NLRP5: variants seen among roughly 807,000 people sequenced by gnomAD.
NLRP5 encodes the protein NACHT, LRR and PYD domains-containing protein 5.
A neutral mutation model predicts 113.1 loss-of-function variants in NLRP5; 93 were observed. That is an observed-to-expected ratio of 0.82 (90% CI 0.70 to 0.98). NLRP5 has a LOEUF of 0.98. NLRP5 is among the 50% of genes least tolerant of loss of function. The pLI is 0.00. For synonymous variants in NLRP5, 751 were observed against 600.7 expected, an observed-to-expected ratio of 1.25 and a Z score of -3.66; for missense variants, 1,808 against 1,514.3, an observed-to-expected ratio of 1.19 and a Z score of -3.22.
At chr19:56,056,405 AAGTT>A (rs751954098) in intron 13 of NLRP5, among the ~76,000 whole-genome samples, 4 of 152,072 alleles carry the variant, frequency 2.6e-5, no homozygotes, top group Non-Finnish European at 5.9e-5. Context: ...AAAAATATAA[AAGTT>A]AGCCGGGCTT....
intron 5 of NLRP5, 65 bp downstream of exon 5, chr19:56,019,463 G>A: frequency 6.6e-7 from 1 of 1,515,754 alleles, no homozygotes; most frequent in Non-Finnish European, 9.1e-7. Flanking sequence ...AGAAGTGTAA[G>A]TAGTTTAGAT....
rs1177646815 is a variant in NLRP5 at position 56,020,409 on chromosome 19, A to G, written c.657A>G (p.Thr219=). ...AAGCTATGGAACAAGAAGGTGCCAC[A>G]GCAGCAGAGACAGAAGAACAAGGTG... Residue 219 remains threonine, a synonymous_variant, in exon 6 of 15, where the codon ACA becomes ACG. Transcript: ENST00000390649. The G allele has an allele frequency of 1.9e-6, 3 of 1,613,644 alleles. No individual in the cohort carries two copies. Among genetic ancestry groups the G allele is most frequent in the Admixed American group, 1.7e-5 (1 of 59,946 alleles).
chr19:56,000,108 T>C (rs537788688), intron 1 of NLRP5, among the ~76,000 whole-genome samples: 49 of 150,148 alleles, frequency 3.3e-4, no homozygotes, highest in African/African-American at 1.2e-3. Context: ...CTCCACTCTT[T>C]TCAATGACAG....
chr19:56,039,179 G>A (rs1455391338), intron 10 of NLRP5, among the ~76,000 whole-genome samples: 6 of 152,330 alleles, frequency 3.9e-5, no homozygotes, highest in South Asian at 4.1e-4. Flanking sequence ...CAGAAAGGCT[G>A]TGTCACTTGT....
At chr19:56,009,926 G>A (rs993026615) in intron 3 of NLRP5, among the ~76,000 whole-genome samples, 3 of 152,212 alleles carry the variant, frequency 2.0e-5, no homozygotes, top group African/African-American at 7.2e-5. Flanking sequence ...TTTGCTCAGA[G>A]TTTGATGTCA....
chr19:56,055,668 C>T (rs1984114580), intron 13 of NLRP5, among the ~76,000 whole-genome samples: 1 of 150,808 alleles, frequency 6.6e-6, no homozygotes, highest in Non-Finnish European at 1.5e-5. Context: ...GCCTCAGCCT[C>T]CCAAGTAGCT....
intron 9 of NLRP5, among the ~76,000 whole-genome samples, chr19:56,036,268 C>T (rs1006953337): frequency 6.6e-6 from 1 of 151,654 alleles, no homozygotes; most frequent in Non-Finnish European, 1.5e-5. Context: ...AGGGTTTCAC[C>T]AGGTTAGCCA....
At position 56,015,236 on chromosome 19, in the gene NLRP5, T is replaced by G. The variant is rs537189323; in HGVS notation, c.509-506T>G. On this transcript the variant is annotated intron_variant, in intron 3 of 14. Coordinates refer to ENST00000390649, the MANE Select transcript of NLRP5 (RefSeq NM_153447.4). The stretch of plus-strand genomic sequence containing the variant: ...TTTGTTTTTGACAGAGTTTCACTCT[T>G]GTTGCCCAGGCTGGAGTGGTGTGAT... Among the ~76,000 whole-genome samples the G allele has an allele frequency of 5.9e-5, 9 of 152,322 alleles. No homozygotes were observed. The East Asian group carries it at 1.7e-3, about 29-fold the overall frequency.
intron 6 of NLRP5, 109 bp downstream of exon 6, chr19:56,020,540 A>G: frequency 7.7e-7 from 1 of 1,298,256 alleles, no homozygotes; most frequent in Non-Finnish European, 1.1e-6. Flanking sequence ...GCCTTTCTTC[A>G]ATCTCATTTG....
intron 9 of NLRP5, among the ~76,000 whole-genome samples, chr19:56,037,298 C>T (rs2867231): frequency 9.7e-4 from 148 of 152,184 alleles, no homozygotes; most frequent in African/African-American, 3.3e-3. Flanking sequence ...TCGCAGCTGC[C>T]GAGGGGACCA....
chr19:56,033,894 C>T (rs772829163), intron 9 of NLRP5, among the ~76,000 whole-genome samples, 185 bp downstream of exon 9: 3 of 152,108 alleles, frequency 2.0e-5, no homozygotes, highest in East Asian at 1.9e-4. Flanking sequence ...ATAGTGCATT[C>T]GGTTATAAAT....
At chr19:56,040,843 C>G in intron 10 of NLRP5, 79 bp from the exon 11 acceptor site, 1 of 1,227,902 alleles carries the variant, frequency 8.1e-7, no homozygotes, top group South Asian at 1.4e-5. Context: ...ATACGTCTTT[C>G]CCCTCCTTGT....
upstream of NLRP5, among the ~76,000 whole-genome samples, chr19:55,998,686 A>ATATATGTGTGTGTGTG (rs1981437840): frequency 2.9e-4 from 14 of 47,554 alleles, no homozygotes; most frequent in South Asian, 2.0e-3. Flanking sequence ...ATATATATAT[A>ATATATGTGTGTGTGTG]TATATATATA....
intron 6 of NLRP5, among the ~76,000 whole-genome samples, chr19:56,021,253 A>T (rs929627658): frequency 2.6e-5 from 4 of 152,212 alleles, no homozygotes; most frequent in Non-Finnish European, 5.9e-5. Flanking sequence ...ATAACTTTGC[A>T]GGATGATGAT....
intron 13 of NLRP5, among the ~76,000 whole-genome samples, chr19:56,055,654 T>C (rs1984113865): frequency 6.9e-6 from 1 of 144,100 alleles, no homozygotes. Context: ...CACCCCATTC[T>C]CCTGCCTCAG....
intron 4 of NLRP5, among the ~76,000 whole-genome samples, chr19:56,017,927 C>A (rs1982470011): frequency 6.6e-6 from 1 of 152,190 alleles, no homozygotes; most frequent in Non-Finnish European, 1.5e-5. Context: ...AGTTCTTGTG[C>A]CTTGACTTCC....
Position 56,003,834 on chromosome 19 carries a change from T to G in NLRP5, c.181T>G (p.Ser61Ala). The stretch of plus-strand genomic sequence containing the variant: ...GGAAGGAGACAAATCGCTCACCTTT[T>G]CCAGCTACGGGCTGCAATGGTGTCT... The change falls in exon 2 of 15, where the codon TCC (serine) becomes GCC (alanine). Residue 61 changes from serine (S) to alanine (A), a missense_variant. Physicochemically the swap from Ser to Ala is moderately conservative, Grantham distance 99. Coordinates refer to ENST00000390649, the MANE Select transcript of NLRP5 (RefSeq NM_153447.4). 6.2e-7 allele frequency: 1 copy of G among 1,614,004 alleles called. No individual in the cohort carries two copies. The highest frequency in any genetic ancestry group is 1.1e-5 in the South Asian group (1 of 91,090).
intron 9 of NLRP5, among the ~76,000 whole-genome samples, chr19:56,034,375 A>G (rs948429911): frequency 2.0e-5 from 3 of 152,174 alleles, no homozygotes; most frequent in African/African-American, 7.2e-5. Flanking sequence ...AACAAGAGCA[A>G]AACTCTGTCT....
upstream of NLRP5, among the ~76,000 whole-genome samples, chr19:55,998,658 A>ATGTGTGTGTGTGTGTGTGTGTG (rs145042875): frequency 6.7e-5 from 3 of 44,674 alleles, 1 homozygote; most frequent in African/African-American, 3.3e-4. Flanking sequence ...GTCTCAAAAT[A>ATGTGTGTGTGTGTGTGTGTGTG]TGTGTGTGTG....
Sources: allele counts gnomAD v4.1 joint callset (sites outside exome capture counted in the v4.1 genomes callset), GRCh38; gene constraint gnomAD v4.1.1; transcripts MANE v1.5; gene names NCBI Gene and HGNC (gene_info 2026-07-23, HGNC 2026-07-21).